The following CASP4 variants were observed in gnomAD, a reference collection of about 807,000 sequenced individuals.
CASP4 encodes caspase 4, also known as caspase-4.
CASP4 carries 29 observed loss-of-function variants against 41.3 expected under a neutral mutation model. The ratio of observed to expected loss-of-function variants is 0.70; its 90% confidence interval spans 0.52 to 0.96. The LOEUF is 0.96. Ranked by LOEUF, CASP4 falls within the 40% of genes least tolerant of loss-of-function variation. The pLI is 0.00. For synonymous variants in CASP4, 185 were observed against 158.4 expected (o/e 1.17, Z -1.26); for missense variants, 447 against 460.6 (o/e 0.97, Z 0.27).
At position 104,954,825 on chromosome 11, in the gene CASP4, G is replaced by A. The variant is rs369838930; in HGVS notation, c.184C>T (p.Gln62Ter). 2.5e-6 allele frequency: 4 copies of A among 1,613,724 alleles called. No homozygotes were observed. The highest frequency in any genetic ancestry group is 3.4e-6 in the Non-Finnish European group (4 of 1,179,726). Residue 62 changes from glutamine (Q) to a stop codon, truncating the protein, a stop_gained, in exon 2 of 9, where the codon CAA (glutamine) becomes TAA (stop). Transcript: ENST00000444739. LOFTEE classifies it high-confidence loss of function. Reference sequence around the variant, plus strand: ...TGTCCTGCCATACGTTGCTTCTCTTGCATAGAGTCTGCCATGACCCGAACT... The same window carrying A: ...TGTCCTGCCATACGTTGCTTCTCTTACATAGAGTCTGCCATGACCCGAACT... The part of the protein sequence containing the change: ...DKVRVMADSM[Q>*]EKQRMAGQML...
At chr11:104,947,223 C>A (rs762315530) in intron 6 of CASP4, 31 bp from the exon 7 acceptor site, 5 of 1,274,412 alleles carry the variant, frequency 3.9e-6, no homozygotes, top group Admixed American at 2.0e-5. Flanking sequence ...ATGCCTTGGG[C>A]TATGACTTTC....
intron 7 of CASP4, 88 bp downstream of exon 7, chr11:104,946,995 G>C (rs1349429182): frequency 1.1e-6 from 1 of 919,382 alleles, no homozygotes; most frequent in Non-Finnish European, 1.7e-6. Context: ...TCACTTCCCT[G>C]ACAAAAATTG....
At chr11:104,955,791 T>C (rs914332141) in intron 1 of CASP4, among the ~76,000 whole-genome samples, 5 of 152,254 alleles carry the variant, frequency 3.3e-5, no homozygotes, top group African/African-American at 9.6e-5. Flanking sequence ...ACAACAGATA[T>C]GATTTCGGCA....
chr11:104,954,742 C>T lies in CASP4; in HGVS notation c.262+5G>A, dbSNP rs567654660. ...AGACATTCATTGTAAAAAATCCAGTCTTACCTTTTTTATTGGGGGATATTT... is the reference window on the plus strand; with the variant it reads ...AGACATTCATTGTAAAAAATCCAGTTTTACCTTTTTTATTGGGGGATATTT... On this transcript the variant is annotated splice_donor_5th_base_variant and intron_variant, in intron 2 of 8. Transcript: ENST00000444739. 6 of 1,612,154 alleles carry T rather than the reference C, an allele frequency of 3.7e-6. No individual in the cohort carries two copies. The African/African-American group carries it at 8.0e-5, about 22-fold the overall frequency.
At chr11:104,964,520 C>A (rs1474980111) in intron 1 of CASP4, among the ~76,000 whole-genome samples, 1 of 152,142 alleles carries the variant, frequency 6.6e-6, no homozygotes, top group Non-Finnish European at 1.5e-5. Flanking sequence ...TCCATAAGCA[C>A]AATAAAAATC....
chr11:104,956,236 G>T (rs938520400), intron 1 of CASP4, among the ~76,000 whole-genome samples: 1 of 151,870 alleles, frequency 6.6e-6, no homozygotes, highest in African/African-American at 2.4e-5. Flanking sequence ...TAAGCCAGTG[G>T]GGTAGTTATT....
chr11:104,943,438 A>C, intron 8 of CASP4: 1 of 157,322 alleles, frequency 6.4e-6, no homozygotes, highest in South Asian at 1.9e-4. Context: ...TCACTCCCCA[A>C]CTCTGTCCAT....
At chr11:104,952,077 G>C in intron 2 of CASP4, 72 bp from the exon 3 acceptor site, 1 of 870,288 alleles carries the variant, frequency 1.1e-6, no homozygotes, top group Non-Finnish European at 1.9e-6. Context: ...AGAAGATCGA[G>C]AGAGAAGACG....
chr11:104,951,560 G>A (rs1420141026), intron 3 of CASP4: 2 of 345,082 alleles, frequency 5.8e-6, no homozygotes, highest in East Asian at 1.2e-4. Flanking sequence ...CAAGTAGAGT[G>A]CAACCAATTA....
chr11:104,954,619 A>G, intron 2 of CASP4, 128 bp downstream of exon 2: 1 of 902,356 alleles, frequency 1.1e-6, no homozygotes, highest in Non-Finnish European at 1.7e-6. Flanking sequence ...AAGGACAAAG[A>G]TAGGTTTAGT....
chr11:104,948,344 G>C, intron 6 of CASP4, 189 bp downstream of exon 6: 1 of 431,004 alleles, frequency 2.3e-6, no homozygotes, highest in Non-Finnish European at 4.0e-6. Flanking sequence ...GGTGAGTGGT[G>C]AATGGGTTTC....
chr11:104,949,467 C>A lies in CASP4; in HGVS notation c.781+76G>T, dbSNP rs1860549833. 2.8e-6 allele frequency: 4 copies of A among 1,453,550 alleles called. No individual in the cohort carries two copies. In the East Asian group the frequency reaches 9.1e-5, roughly 33 times the overall value. 90.0% of individuals were successfully genotyped at this position (1,453,550 alleles called of 1,614,324 possible). On this transcript the variant is annotated intron_variant, in intron 5 of 8. Transcript: ENST00000444739. ...ACTGGATGAGGTTTAAGAATGTTGC[C>A]CCTAAATATAAACCAAACATCACAA...
chr11:104,960,088 C>T (rs185097246), intron 1 of CASP4, among the ~76,000 whole-genome samples: 9 of 152,234 alleles, frequency 5.9e-5, no homozygotes, highest in Admixed American at 1.3e-4. Context: ...ACATTCAAAA[C>T]GTTCTGCCTT....
At chr11:104,954,200 T>C (rs143608397) in intron 2 of CASP4, among the ~76,000 whole-genome samples, 1 of 152,266 alleles carries the variant, frequency 6.6e-6, no homozygotes, top group East Asian at 1.9e-4. Flanking sequence ...TGTATTTGTA[T>C]TGTGATGCCA....
At position 104,947,186 on chromosome 11, in the gene CASP4, A is replaced by G. The variant is rs200014393; in HGVS notation, c.932T>C (p.Val311Ala). 1 of 1,595,954 alleles carries G rather than the reference A, an allele frequency of 6.3e-7. No homozygotes were observed. Among genetic ancestry groups the G allele is most frequent in the South Asian group, 1.1e-5 (1 of 90,082 alleles). ...GCCCATTGTGCTGTCTCTCCAGGAC[A>G]CGTTGTCTATAATGATACAGATGGG... is the stretch of plus-strand genomic sequence containing the variant. The part of the protein sequence containing the change: ...IAFCSSTPHN[V>A]SWRDSTMGSI... The change falls in exon 7 of 9, where the codon GTG (valine) becomes GCG (alanine). Residue 311 changes from valine (V) to alanine (A), a missense_variant. Transcript: ENST00000444739.
chr11:104,968,034 G>C (rs1490091814), intron 1 of CASP4, among the ~76,000 whole-genome samples: 1 of 152,054 alleles, frequency 6.6e-6, no homozygotes, highest in East Asian at 1.9e-4. Flanking sequence ...AAAGTAGTCA[G>C]TATCAGGACC....
intron 1 of CASP4, among the ~76,000 whole-genome samples, chr11:104,962,495 G>T (rs1302800405): frequency 6.6e-6 from 1 of 152,140 alleles, no homozygotes; most frequent in East Asian, 1.9e-4. Flanking sequence ...GGAAAGAGGG[G>T]TATCACAAGA....
In CASP4 at chr11:104,951,960, G is replaced by A. The variant is rs1281110707; in HGVS notation, c.308C>T (p.Thr103Ile). 6.2e-7 allele frequency: 1 copy of A among 1,612,860 alleles called. No homozygotes were observed. The highest frequency in any genetic ancestry group is 2.2e-5 in the East Asian group (1 of 44,848). Reference sequence around the variant, plus strand: ...ATGAGGACAAAGCTTGAGGGCATCTGTAGATTCTCCTGACTCAGGTGGTCC... The same window carrying A: ...ATGAGGACAAAGCTTGAGGGCATCTATAGATTCTCCTGACTCAGGTGGTCC... ...EAGPPESGES[T>I]DALKLCPHEE... is the part of the protein sequence containing the mutation. Residue 103 changes from threonine (T) to isoleucine (I), a missense_variant, in exon 3 of 9, where the codon ACA becomes ATA. Coordinates refer to ENST00000444739, the MANE Select transcript of CASP4 (RefSeq NM_001225.4).
chr11:104,952,947 C>T (rs1346515466), intron 2 of CASP4, among the ~76,000 whole-genome samples: 1 of 152,072 alleles, frequency 6.6e-6, no homozygotes, highest in Non-Finnish European at 1.5e-5. Context: ...CTGGATATTC[C>T]CTGGTCAGAG....
Sources: gnomAD v4.1 joint callset for allele counts (sites outside exome capture counted in the v4.1 genomes callset) on GRCh38, gnomAD v4.1.1 for gene constraint, MANE v1.5 for transcripts, NCBI Gene and HGNC (gene_info 2026-07-23, HGNC 2026-07-21) for gene names.